Variants in USP16 observed in about 807,000 individuals in gnomAD.
The protein encoded by USP16 is ubiquitin specific peptidase 16.
USP16 carries 77 observed loss-of-function variants against 95.9 expected under a neutral mutation model. The observed-to-expected ratio is 0.80, with a 90% confidence interval of 0.67 to 0.97. The LOEUF is 0.97. Among genes scored for constraint, USP16 ranks in the 50% least tolerant of loss-of-function variants. The pLI, the probability that USP16 is intolerant of heterozygous loss-of-function variation, is 0.00. For missense variants in USP16, 943 were observed against 959.9 expected, an observed-to-expected ratio of 0.98 and a Z score of 0.23; for synonymous variants, 303 against 318.2, an observed-to-expected ratio of 0.95 and a Z score of 0.51.
At chr21:29,039,289 T>G in intron 8 of USP16, 133 bp downstream of exon 8, 1 of 1,124,754 alleles carries the variant, frequency 8.9e-7, no homozygotes. Flanking sequence ...AAAGGCATAG[T>G]TTTTTTTCAT....
chr21:29,048,726 T>C, intron 14 of USP16, 35 bp from the exon 15 acceptor site: 2 of 1,549,520 alleles, frequency 1.3e-6, no homozygotes, highest in Non-Finnish European at 1.8e-6. Context: ...TCTAAAATGA[T>C]TTTCTCCCTG....
At chr21:29,028,058 T>C in intron 2 of USP16, 84 bp downstream of exon 2, 2 of 1,015,202 alleles carry the variant, frequency 2.0e-6, no homozygotes, top group Non-Finnish European at 3.0e-6. Context: ...AAGCTGCATA[T>C]TATTGTTATA....
rs1021408227 is a variant in USP16, at chr21:29,046,929, T to G, written c.1619T>G (p.Ile540Ser). The G allele has an allele frequency of 1.9e-6, 3 of 1,614,114 alleles. No homozygotes were observed. The highest frequency in any genetic ancestry group is 2.5e-6 in the Non-Finnish European group (3 of 1,180,018). Residue 540 changes from isoleucine to serine, a missense_variant, in exon 14 of 18, where the codon ATC becomes AGC. Ile to Ser is a moderately radical substitution (Grantham distance 142, BLOSUM62 -2). Transcript: ENST00000399976. ...KSTEEVDMKN[I>S]NMDNDLEVLT... ...ACAGAGGAAGTAGATATGAAAAATA[T>G]CAACATGGATAATGATCTGGAGGTT...
chr21:29,035,076 C>A, intron 4 of USP16, 136 bp downstream of exon 4: 1 of 753,366 alleles, frequency 1.3e-6, no homozygotes, highest in Non-Finnish European at 2.1e-6. Flanking sequence ...TTTCACAAAG[C>A]TAAAGAATGC....
Position 29,053,914 on chromosome 21 carries a change from AT to A in USP16, c.2307del (p.Asn769LysfsTer42). ...YTAYAKARTA[N>X]SHLSNLVLHG... ...GCCTATGCCAAGGCAAGAACCGCAA[AT>A]AGTCATCTCTCTAATCTTGTTCTTC... On this transcript the variant is annotated frameshift_variant, in exon 17 of 18. Transcript: ENST00000399976. LOFTEE classifies it high-confidence loss of function. 1.9e-6 allele frequency: 3 copies of A among 1,614,252 alleles called. No homozygotes were observed. Among genetic ancestry groups the A allele is most frequent in the Non-Finnish European group, 2.5e-6 (3 of 1,180,046 alleles).
chr21:29,035,028 A>G (rs1601049165), intron 4 of USP16, 88 bp downstream of exon 4: 3 of 1,309,474 alleles, frequency 2.3e-6, no homozygotes, highest in African/African-American at 1.5e-5. Flanking sequence ...GAAGAAAGCA[A>G]TTTAAAATTT....
At position 29,039,010 on chromosome 21, in the gene USP16, CT is replaced by C; in HGVS notation, c.733-12del. The C allele has an allele frequency of 6.7e-7, 1 of 1,486,878 alleles. No homozygotes were observed. Among genetic ancestry groups the C allele is most frequent in the Non-Finnish European group, 8.9e-7 (1 of 1,118,788 alleles). 92.1% of individuals were successfully genotyped at this position (1,486,878 alleles called of 1,614,324 possible). On this transcript the variant is annotated splice_polypyrimidine_tract_variant and intron_variant, in intron 7 of 17. Transcript: ENST00000399976. ...AGAATTTGACTGAAGAAAGTAATTT[CT>C]TTTCCCATATTCAGGAACCATTAGA...
chr21:29,038,221 G>C (rs1323756859), intron 6 of USP16, 114 bp from the exon 7 acceptor site: 2 of 657,854 alleles, frequency 3.0e-6, no homozygotes, highest in Non-Finnish European at 5.2e-6. Context: ...TCCAAGTATA[G>C]AGTTTTCAGT....
intron 12 of USP16, chr21:29,042,872 G>A: frequency 5.7e-6 from 1 of 175,906 alleles, no homozygotes; most frequent in Non-Finnish European, 1.2e-5. Context: ...ATGTTAAAGA[G>A]TATTATTTTG....
chr21:29,035,702 G>T (rs2085144911), intron 4 of USP16, among the ~76,000 whole-genome samples: 1 of 151,788 alleles, frequency 6.6e-6, no homozygotes, highest in Non-Finnish European at 1.5e-5. Flanking sequence ...TCTTTCAATT[G>T]TAAAAGTTGT....
chr21:29,030,517 C>T (rs2085062103), intron 2 of USP16, 78 bp from the exon 3 acceptor site: 13 of 1,259,774 alleles, frequency 1.0e-5, no homozygotes, highest in Admixed American at 3.1e-5. Flanking sequence ...AAATGTGAAT[C>T]GAGGGTAAGT....
intron 7 of USP16, 97 bp downstream of exon 7, chr21:29,038,527 G>T: frequency 2.1e-6 from 2 of 971,684 alleles, no homozygotes; most frequent in Non-Finnish European, 3.2e-6. Context: ...CACTGTTTTT[G>T]TTTGTTTTGT....
chr21:29,025,661 A>G (rs1458176538), intron 1 of USP16: 5 of 631,050 alleles, frequency 7.9e-6, no homozygotes, highest in Non-Finnish European at 9.9e-6. Context: ...TGTCTTCACT[A>G]CTGCAGACTT....
intron 4 of USP16, 138 bp downstream of exon 4, chr21:29,035,078 A>G (rs753829416): frequency 2.7e-6 from 2 of 754,272 alleles, no homozygotes; most frequent in Admixed American, 2.9e-5. Context: ...TCACAAAGCT[A>G]AAGAATGCAG....
rs940092824 is a variant in USP16, at chr21:29,054,418, C to A, written c.*231C>A. On this transcript the variant is annotated 3_prime_UTR_variant, in exon 18 of 18. Transcript: ENST00000399976. ...TTTCTGGAAAGGAAATCCTGAATTA[C>A]TTAAGTACTTTGTGTTTAATATATC... 1 of 531,324 alleles carries A rather than the reference C, an allele frequency of 1.9e-6. No homozygotes were observed. The highest frequency in any genetic ancestry group is 3.6e-5 in the Admixed American group (1 of 27,982). 32.9% of individuals were successfully genotyped at this position (531,324 alleles called of 1,614,324 possible).
chr21:29,034,945 G>A lies in USP16; in HGVS notation c.344+5G>A. On this transcript the variant is annotated splice_donor_5th_base_variant and intron_variant, in intron 4 of 17. Transcript: ENST00000399976. ...TTTGGACAACTGGAGTGTATGGTGA[G>A]TTTCAGTTCCTCTGCCTCTTGGGTG... 1.9e-6 allele frequency: 3 copies of A among 1,609,838 alleles called. No homozygotes were observed. Among genetic ancestry groups the A allele is most frequent in the Non-Finnish European group, 2.5e-6 (3 of 1,176,750 alleles).
intron 3 of USP16, among the ~76,000 whole-genome samples, chr21:29,031,034 A>G (rs2085069472): frequency 6.6e-6 from 1 of 152,208 alleles, no homozygotes; most frequent in African/African-American, 2.4e-5. Flanking sequence ...CCAATCCCAC[A>G]GTGATCTCTT....
At chr21:29,027,546 G>A (rs2085010583) in intron 1 of USP16, among the ~76,000 whole-genome samples, 1 of 152,252 alleles carries the variant, frequency 6.6e-6, no homozygotes, top group Non-Finnish European at 1.5e-5. Flanking sequence ...CATGTATGTA[G>A]TGAGGAGTCA....
At chr21:29,051,028 C>T (rs1243543535) in intron 16 of USP16, among the ~76,000 whole-genome samples, 1 of 152,054 alleles carries the variant, frequency 6.6e-6, no homozygotes, top group Non-Finnish European at 1.5e-5. Flanking sequence ...AGGAATATTT[C>T]AGGAGGTAGA....
Sources: gnomAD v4.1 joint callset for allele counts (sites outside exome capture counted in the v4.1 genomes callset) on GRCh38, gnomAD v4.1.1 for gene constraint, MANE v1.5 for transcripts, NCBI Gene and HGNC (gene_info 2026-07-23, HGNC 2026-07-21) for gene names.